Variants in MTFR1 observed in about 807,000 individuals in gnomAD.
The protein encoded by MTFR1 is chondrocyte protein with a poly-proline region.
In MTFR1, 28 loss-of-function variants were observed where a neutral mutation model predicts 38.8. The observed-to-expected ratio is 0.72, with a 90% confidence interval of 0.53 to 0.99. The LOEUF (loss-of-function observed/expected upper bound fraction) is 0.99. Among genes scored for constraint, MTFR1 ranks in the 50% least tolerant of loss-of-function variants. MTFR1 has a pLI of 0.00. For synonymous variants in MTFR1, 145 were observed against 137.0 expected (o/e 1.06, Z -0.41); for missense variants, 358 against 395.5 (o/e 0.91, Z 0.81).
chr8:65,683,923 TTA>T (rs1804985927), intron 3 of MTFR1, among the ~76,000 whole-genome samples: 1 of 152,244 alleles, frequency 6.6e-6, no homozygotes. Context: ...TGAACTGCTC[TTA>T]TTTGCCAGTT....
intron 1 of MTFR1, among the ~76,000 whole-genome samples, chr8:65,655,963 TATATACC>T (rs1362207936): frequency 0.14 from 5,456 of 38,918 alleles, 729 homozygotes; most frequent in Non-Finnish European, 0.17. Context: ...TATATATATA[TATATACC>T]ATATATATAT....
chr8:65,761,394 GAC>G (rs1406457586), intron 3 of MTFR1, among the ~76,000 whole-genome samples: 1 of 152,096 alleles, frequency 6.6e-6, no homozygotes, highest in Non-Finnish European at 1.5e-5. Flanking sequence ...AGCTCACTGT[GAC>G]ATGAGACAAA....
chr8:65,658,221 T>C (rs1218024095), intron 1 of MTFR1, among the ~76,000 whole-genome samples: 3 of 152,244 alleles, frequency 2.0e-5, no homozygotes, highest in East Asian at 1.9e-4. Flanking sequence ...CATGCTGTTA[T>C]AACTTTGTAA....
At chr8:65,698,939 G>T (rs1805532323) in intron 4 of MTFR1, among the ~76,000 whole-genome samples, 1 of 152,126 alleles carries the variant, frequency 6.6e-6, no homozygotes, top group Non-Finnish European at 1.5e-5. Flanking sequence ...ATGTTGGTCA[G>T]GCTGGTCTCG....
intron 3 of MTFR1, among the ~76,000 whole-genome samples, chr8:65,767,367 T>C (rs1808843353): frequency 6.6e-6 from 1 of 152,254 alleles, no homozygotes; most frequent in Admixed American, 6.5e-5. Flanking sequence ...TTCTATCAGG[T>C]TGAATAAAAG....
intron 1 of MTFR1, among the ~76,000 whole-genome samples, chr8:65,664,930 A>G (rs1804335067): frequency 6.9e-6 from 1 of 144,298 alleles, no homozygotes; most frequent in African/African-American, 2.5e-5. Context: ...CTTTTAAAAA[A>G]AAATTTTTTT....
chr8:65,759,148 G>A (rs1808376630), intron 3 of MTFR1, among the ~76,000 whole-genome samples: 1 of 152,142 alleles, frequency 6.6e-6, no homozygotes, highest in Non-Finnish European at 1.5e-5. Context: ...CCCTTTGCTT[G>A]TCTGTTTGCC....
intron 3 of MTFR1, among the ~76,000 whole-genome samples, chr8:65,744,164 C>T (rs1471202256): frequency 6.6e-6 from 1 of 151,698 alleles, no homozygotes; most frequent in African/African-American, 2.4e-5. Context: ...TGAATAAGAA[C>T]ACAAATCAAC....
At chr8:65,662,752 C>A (rs1345665319) in intron 1 of MTFR1, among the ~76,000 whole-genome samples, 2 of 138,144 alleles carry the variant, frequency 1.4e-5, no homozygotes, top group African/African-American at 5.2e-5. Flanking sequence ...CCGGCAGCCA[C>A]CCCGTCTGGG....
At chr8:65,746,000 G>A (rs1250097996) in intron 3 of MTFR1, among the ~76,000 whole-genome samples, 3 of 151,742 alleles carry the variant, frequency 2.0e-5, no homozygotes, top group African/African-American at 7.3e-5. Context: ...CAAACAAGAC[G>A]GCTCACTGCA....
intron 3 of MTFR1, among the ~76,000 whole-genome samples, chr8:65,740,612 G>A (rs891479901): frequency 6.6e-6 from 1 of 152,212 alleles, no homozygotes; most frequent in African/African-American, 2.4e-5. Flanking sequence ...TTGTTGGCCA[G>A]GCTGGTCTCG....
At chr8:65,725,070 A>T (rs1293313068) in intron 3 of MTFR1, 1 of 466,054 alleles carries the variant, frequency 2.1e-6, no homozygotes. Context: ...ACAAAAAATG[A>T]GTTTTATAGA....
downstream of MTFR1, among the ~76,000 whole-genome samples, chr8:65,772,551 AG>A (rs1421534712): frequency 2.0e-5 from 3 of 152,258 alleles, no homozygotes; most frequent in East Asian, 5.8e-4. Flanking sequence ...CTTTGCCTCC[AG>A]GTAAATAAAC....
downstream of MTFR1, among the ~76,000 whole-genome samples, chr8:65,771,484 A>T (rs1238328877): frequency 6.6e-6 from 1 of 152,248 alleles, no homozygotes; most frequent in Non-Finnish European, 1.5e-5. Context: ...ACCTGTTGAT[A>T]TCGATCTCCC....
intron 3 of MTFR1, chr8:65,724,397 G>T: frequency 2.3e-6 from 3 of 1,286,924 alleles, no homozygotes; most frequent in Non-Finnish European, 3.4e-6. Context: ...ATACACACTT[G>T]ACAATAATAC....
chr8:65,774,652 T>A (rs1305000199), downstream of MTFR1, among the ~76,000 whole-genome samples: 1 of 151,472 alleles, frequency 6.6e-6, no homozygotes, highest in Non-Finnish European at 1.5e-5. Context: ...TTAGTTAATT[T>A]AAAAATATAT....
chr8:65,698,004 G>A (rs1483129084), intron 4 of MTFR1, among the ~76,000 whole-genome samples: 1 of 151,904 alleles, frequency 6.6e-6, no homozygotes, highest in Non-Finnish European at 1.5e-5. Flanking sequence ...TTTTCGTTTT[G>A]ATGAAGTCTA....
chr8:65,715,665 A>C, intron 2 of MTFR1, among the ~76,000 whole-genome samples: 1 of 144,262 alleles, frequency 6.9e-6, no homozygotes. Flanking sequence ...GGTGTGAGCC[A>C]CCATGCCCGG....
At chr8:65,753,593 G>A (rs986009780) in intron 3 of MTFR1, among the ~76,000 whole-genome samples, 1 of 151,436 alleles carries the variant, frequency 6.6e-6, no homozygotes, top group Non-Finnish European at 1.5e-5. Context: ...ATGTGCACTC[G>A]AGAAGAATTT....
Sources: gnomAD v4.1 joint callset for allele counts (sites outside exome capture counted in the v4.1 genomes callset) on GRCh38, gnomAD v4.1.1 for gene constraint, MANE v1.5 for transcripts, NCBI Gene and HGNC (gene_info 2026-07-23, HGNC 2026-07-21) for gene names.